UGT1A5: variants seen among roughly 807,000 people sequenced by gnomAD.
UGT1A5 encodes the protein UDP glucuronosyltransferase family 1 member A5, also known as UDP-glucuronosyltransferase 1A5.
A neutral mutation model predicts 40.3 loss-of-function variants in UGT1A5; 29 were observed. The observed-to-expected ratio is 0.72, with a 90% confidence interval of 0.54 to 0.98. UGT1A5 has a LOEUF of 0.98. Among genes scored for constraint, UGT1A5 ranks in the 50% least tolerant of loss-of-function variants. The pLI, the probability that UGT1A5 is intolerant of heterozygous loss-of-function variation, is 0.00. For missense variants in UGT1A5, 678 were observed against 677.9 expected (o/e 1.00, Z 0.00); for synonymous variants, 257 against 262.5 (o/e 0.98, Z 0.20).
chr2:233,743,928 A>G, intron 1 of UGT1A5: 1 of 1,360,462 alleles, frequency 7.4e-7, no homozygotes. Context: ...CTGGATGGCC[A>G]GAACGGCCCA....
chr2:233,762,094 T>A (rs1389988044), intron 1 of UGT1A5, among the ~76,000 whole-genome samples: 1 of 152,214 alleles, frequency 6.6e-6, no homozygotes, highest in African/African-American at 2.4e-5. Context: ...CTTAGATAGT[T>A]GTTGATTGTC....
intron 1 of UGT1A5, chr2:233,743,847 G>C (rs771949487): frequency 2.9e-6 from 4 of 1,367,222 alleles, no homozygotes; most frequent in East Asian, 4.5e-5. Flanking sequence ...GCCAGCTTGC[G>C]GTACGCCTTC....
chr2:233,748,790 T>G (rs913029718), intron 1 of UGT1A5, among the ~76,000 whole-genome samples: 4 of 151,342 alleles, frequency 2.6e-5, no homozygotes, highest in African/African-American at 9.8e-5. Context: ...CTACTTGGAA[T>G]GCTGAAATTA....
chr2:233,747,307 C>T (rs1472274155), intron 1 of UGT1A5: 68 of 1,602,316 alleles, frequency 4.2e-5, no homozygotes, highest in Admixed American at 3.8e-4. Flanking sequence ...TGGGAAGGTG[C>T]TGGTGGTACC....
intron 1 of UGT1A5, chr2:233,717,818 C>G (rs565320763): frequency 4.4e-6 from 2 of 455,640 alleles, no homozygotes; most frequent in Non-Finnish European, 8.8e-6. Context: ...TTATGCAGCC[C>G]GTTCTGTTCT....
intron 1 of UGT1A5, chr2:233,747,296 G>A: frequency 6.2e-7 from 1 of 1,602,124 alleles, no homozygotes; most frequent in South Asian, 1.1e-5. Flanking sequence ...TGGGCTGAGA[G>A]TGGGAAGGTG....
At chr2:233,755,745 G>A (rs1342193963) in intron 1 of UGT1A5, 2 of 152,826 alleles carry the variant, frequency 1.3e-5, no homozygotes, top group Non-Finnish European at 2.9e-5. Context: ...TTCCAGCCCC[G>A]GTGCCCATTT....
rs777238544 is a variant in UGT1A5, at chr2:233,768,345, A to G, written c.1213A>G (p.Met405Val). ...FGDQMDNAKRMETKGAGVTLN... is the reference protein window; with the variant it reads ...FGDQMDNAKRVETKGAGVTLN... ...TGATCAGATGGACAATGCAAAGCGC[A>G]TGGAGACTAAGGGAGCTGGAGTGAC... Residue 405 changes from methionine (M) to valine (V), a missense_variant, in exon 4 of 5, where the codon ATG (methionine) becomes GTG (valine). Coordinates refer to ENST00000373414, the MANE Select transcript of UGT1A5 (RefSeq NM_019078.2). 3 of 1,614,098 alleles carry G rather than the reference A, an allele frequency of 1.9e-6. No individual in the cohort carries two copies. Among genetic ancestry groups the G allele is most frequent in the Non-Finnish European group, 2.5e-6 (3 of 1,180,044 alleles).
In UGT1A5 at chr2:233,769,413, T is replaced by A; in HGVS notation, c.1307+974T>A. 1 of 1,369,868 alleles carries A rather than the reference T, an allele frequency of 7.3e-7. No homozygotes were observed. Among genetic ancestry groups the A allele is most frequent in the Non-Finnish European group, 1.0e-6 (1 of 976,294 alleles). 84.9% of individuals were successfully genotyped at this position (1,369,868 alleles called of 1,614,324 possible). Reference sequence around the variant, plus strand: ...ACTGTGTGCATATGTGCGTGTGCGTTTGTGCATGTGGCTGTGCTCATGTGT... The same window carrying A: ...ACTGTGTGCATATGTGCGTGTGCGTATGTGCATGTGGCTGTGCTCATGTGT... On this transcript the variant is annotated intron_variant, in intron 4 of 4. Coordinates refer to ENST00000373414, the MANE Select transcript of UGT1A5 (RefSeq NM_019078.2). The surrounding 1 kb of genome is among the most constrained non-coding windows in gnomAD (Gnocchi z 4.4).
chr2:233,760,348 G>A (rs759212811), intron 1 of UGT1A5: 2 of 1,613,950 alleles, frequency 1.2e-6, no homozygotes, highest in Admixed American at 1.7e-5. Flanking sequence ...GTGTGTGCTG[G>A]GCCCAGTGGT....
rs67292694 is a variant in UGT1A5, at chr2:233,757,535, A to AATATATATATATATATAT, written c.868-9490_868-9473dup. Among the ~76,000 whole-genome samples the AATATATATATATATATAT allele has an allele frequency of 4.3e-3, 380 of 88,202 alleles. 7 individuals carry two copies. The highest frequency in any genetic ancestry group is 0.012 in the Middle Eastern group (2 of 172). The allele number at this position is 88,202 out of a possible 152,430, so 57.9% of individuals were successfully genotyped here. ...CAAAGCCAAAATCTTGCCTGTAAGG[A>AATATATATATATATATAT]ATATATATATATATATATATATATA... On this transcript the variant is annotated intron_variant, in intron 1 of 4. Transcript: ENST00000373414.
At chr2:233,755,474 T>TCTGTGAGGCC (rs1294746621) in intron 1 of UGT1A5, 2 of 236,996 alleles carry the variant, frequency 8.4e-6, no homozygotes, top group African/African-American at 4.6e-5. Context: ...TCTGTGAGGC[T>TCTGTGAGGCC]CTGTGAGGCC....
chr2:233,762,498 T>G (rs1698092271), intron 1 of UGT1A5, among the ~76,000 whole-genome samples: 1 of 152,236 alleles, frequency 6.6e-6, no homozygotes, highest in African/African-American at 2.4e-5. Flanking sequence ...TGCTATTACT[T>G]TTTAAACTAT....
chr2:233,753,284 A>G (rs1327448691), intron 1 of UGT1A5: 1 of 152,242 alleles, frequency 6.6e-6, no homozygotes, highest in African/African-American at 2.4e-5. Context: ...TTGATTTCAG[A>G]GTTCAGTGTG....
chr2:233,720,952 C>T (rs374895724), intron 1 of UGT1A5, among the ~76,000 whole-genome samples: 224 of 149,770 alleles, frequency 1.5e-3, no homozygotes, highest in African/African-American at 5.2e-3. Flanking sequence ...CTCATGTGAT[C>T]TGCCCGCCTC....
In UGT1A5 at chr2:233,744,657, C is replaced by T. The variant is rs1019492138; in HGVS notation, c.868-22377C>T. Among the ~76,000 whole-genome samples the T allele has an allele frequency of 2.6e-3, 395 of 152,040 alleles. 3 individuals carry two copies. The highest frequency in any genetic ancestry group is 6.8e-3 in the Middle Eastern group (2 of 294). The stretch of plus-strand genomic sequence containing the variant: ...CATGTCAGCTTCTGTATTCAATCTA[C>T]TGTGATATTACACATCACCCATGTA... On this transcript the variant is annotated intron_variant, in intron 1 of 4. Coordinates refer to ENST00000373414, the MANE Select transcript of UGT1A5 (RefSeq NM_019078.2).
At chr2:233,729,603 A>G (rs7574296) in intron 1 of UGT1A5, 749,893 of 1,613,688 alleles carry the variant, frequency 0.46, 180,593 homozygotes, top group African/African-American at 0.76. Context: ...TCTGCGCGGC[A>G]GTGCTGGCTA....
At chr2:233,768,037 T>C (rs1699552537) in intron 3 of UGT1A5, 101 bp downstream of exon 3, 3 of 1,611,640 alleles carry the variant, frequency 1.9e-6, no homozygotes, top group Non-Finnish European at 2.5e-6. Context: ...GAAAATATTA[T>C]GGCCAACATA....
intron 1 of UGT1A5, chr2:233,740,656 G>A (rs17862875): frequency 0.3 from 44,719 of 151,578 alleles, 6,954 homozygotes; most frequent in South Asian, 0.39. Flanking sequence ...TGTACTTGGT[G>A]AGAAGGTACA....
Sources: gnomAD v4.1 joint callset for allele counts (sites outside exome capture counted in the v4.1 genomes callset) on GRCh38, gnomAD v4.1.1 for gene constraint, Gnocchi (gnomAD v3.1) non-coding constraint, MANE v1.5 for transcripts, NCBI Gene and HGNC (gene_info 2026-07-23, HGNC 2026-07-21) for gene names.